The following ZNF91 variants were observed in gnomAD, a reference collection of about 807,000 sequenced individuals.
ZNF91 encodes zinc finger protein 91.
ZNF91 carries 7 observed loss-of-function variants against 12.6 expected under a neutral mutation model. The observed-to-expected ratio is 0.55, with a 90% confidence interval of 0.31 to 1.04. The LOEUF (loss-of-function observed/expected upper bound fraction) is 1.04, where lower values mean the gene tolerates loss of function less well. Ranked by LOEUF, ZNF91 falls within the 50% of genes least tolerant of loss-of-function variation. The probability of loss-of-function intolerance (pLI) is 0.05; values close to 1 mark genes in which losing one functional copy is unlikely to be tolerated. For missense variants in ZNF91, 1,217 were observed against 1,385.4 expected (o/e 0.88, Z 1.93); for synonymous variants, 453 against 462.6 (o/e 0.98, Z 0.27).
downstream of ZNF91, among the ~76,000 whole-genome samples, chr19:23,336,974 T>C (rs1305226489): frequency 2.6e-5 from 4 of 152,214 alleles, no homozygotes; most frequent in Non-Finnish European, 5.9e-5. Flanking sequence ...AAGTTTTAAC[T>C]AGTGGTTGTG....
chr19:23,376,301 C>T (rs1314808741), intron 1 of ZNF91, among the ~76,000 whole-genome samples: 1 of 151,908 alleles, frequency 6.6e-6, no homozygotes, highest in African/African-American at 2.4e-5. Flanking sequence ...TTCTGCATGG[C>T]ATATAAGAAG....
chr19:23,361,791 A>G lies in ZNF91; in HGVS notation c.1188T>C (p.His396=). The G allele has an allele frequency of 6.2e-7, 1 of 1,609,638 alleles. No homozygotes were observed. The highest frequency in any genetic ancestry group is 2.2e-5 in the East Asian group (1 of 44,814). Residue 396 remains histidine, a synonymous_variant, in exon 4 of 4, where the codon CAT becomes CAC. Coordinates refer to ENST00000300619, the MANE Select transcript of ZNF91 (RefSeq NM_003430.4). Reference sequence around the variant, plus strand: ...GTTTCTCTCCAGCATGTATTATTTTATGTTTAGTAAGGGTTGAGAGTCGCT... The same window carrying G: ...GTTTCTCTCCAGCATGTATTATTTTGTGTTTAGTAAGGGTTGAGAGTCGCT... ...AFKRLSTLTK[H]KIIHAGEKLY...
chr19:23,353,759 G>A (rs1968422575), downstream of ZNF91, among the ~76,000 whole-genome samples: 1 of 152,070 alleles, frequency 6.6e-6, no homozygotes, highest in African/African-American at 2.4e-5. Flanking sequence ...AATGAAACAG[G>A]AGATATAATA....
downstream of ZNF91, among the ~76,000 whole-genome samples, chr19:23,333,969 T>G (rs371565709): frequency 6.6e-6 from 1 of 152,092 alleles, no homozygotes; most frequent in Non-Finnish European, 1.5e-5. Flanking sequence ...ACTATAAAGA[T>G]TGATATAATA....
intron 1 of ZNF91, among the ~76,000 whole-genome samples, chr19:23,318,099 T>C (rs948901524): frequency 6.6e-6 from 1 of 152,202 alleles, no homozygotes; most frequent in Non-Finnish European, 1.5e-5. Flanking sequence ...CACTGTGACA[T>C]ATCACTGTCA....
intron 3 of ZNF91, among the ~76,000 whole-genome samples, chr19:23,340,855 GCAAACTA>G (rs988824830): frequency 1.3e-5 from 2 of 150,968 alleles, no homozygotes; most frequent in African/African-American, 2.4e-5. Flanking sequence ...GAAAATATTT[GCAAACTA>G]CGTGCCAACA....
intron 1 of ZNF91, 116 bp downstream of exon 1, chr19:23,395,209 C>T: frequency 7.5e-7 from 1 of 1,334,548 alleles, no homozygotes; most frequent in Non-Finnish European, 1.0e-6. Context: ...CAAGGAGAAC[C>T]CGGGCACGGA....
chr19:23,393,851 T>C (rs1206367782), intron 1 of ZNF91, among the ~76,000 whole-genome samples: 1 of 151,948 alleles, frequency 6.6e-6, no homozygotes, highest in Non-Finnish European at 1.5e-5. Context: ...AATACAAAAA[T>C]TAGCCAGACG....
chr19:23,389,228 T>C (rs1969979395), intron 1 of ZNF91, among the ~76,000 whole-genome samples: 1 of 152,162 alleles, frequency 6.6e-6, no homozygotes, highest in Non-Finnish European at 1.5e-5. Flanking sequence ...CTACAGATAG[T>C]GGCCCAGGTG....
intron 3 of ZNF91, among the ~76,000 whole-genome samples, chr19:23,345,044 C>T (rs565661832): frequency 6.6e-6 from 1 of 152,218 alleles, no homozygotes; most frequent in Non-Finnish European, 1.5e-5. Flanking sequence ...TTGCTCTCTC[C>T]AGTCCAAAAA....
rs571669304 is a variant in ZNF91, at chr19:23,395,470, A to C, written c.-116T>G. ...CTGGAAACTCCGGCGGCAGCGAGAGACAAAGGCCCAGCCACATCCCGGAAG... is the reference window on the plus strand; with the variant it reads ...CTGGAAACTCCGGCGGCAGCGAGAGCCAAAGGCCCAGCCACATCCCGGAAG... On this transcript the variant is annotated 5_prime_UTR_variant, in exon 1 of 4. Coordinates refer to ENST00000300619, the MANE Select transcript of ZNF91 (RefSeq NM_003430.4). 35 of 1,281,364 alleles carry C rather than the reference A, an allele frequency of 2.7e-5. No individual in the cohort carries two copies. The East Asian group carries it at 5.9e-4, about 22-fold the overall frequency. The allele number at this position is 1,281,364 out of a possible 1,614,324, so 79.4% of individuals were successfully genotyped here.
intron 3 of ZNF91, among the ~76,000 whole-genome samples, chr19:23,350,038 C>T (rs537146067): frequency 6.4e-4 from 97 of 152,266 alleles, no homozygotes; most frequent in African/African-American, 2.3e-3. Context: ...TAATCACTAA[C>T]CAAACCGCCT....
rs771122983 is a variant in ZNF91, at chr19:23,366,817, A to G, written c.254-4092T>C. Reference sequence around the variant, plus strand: ...CCAAACACCTCCTACCAGGTCCGACATCTAACATCAAGAATTACATTGCAG... The same window carrying G: ...CCAAACACCTCCTACCAGGTCCGACGTCTAACATCAAGAATTACATTGCAG... On this transcript the variant is annotated intron_variant, in intron 3 of 3. Coordinates refer to ENST00000300619, the MANE Select transcript of ZNF91 (RefSeq NM_003430.4). 1.1e-4 allele frequency among the ~76,000 whole-genome samples: 17 copies of G among 152,252 alleles called. 1 individual carries two copies. Among genetic ancestry groups the G allele is most frequent in the Non-Finnish European group, 2.5e-4 (17 of 68,046 alleles).
downstream of ZNF91, among the ~76,000 whole-genome samples, chr19:23,354,217 A>T (rs1968432041): frequency 6.6e-6 from 1 of 152,170 alleles, no homozygotes; most frequent in Non-Finnish European, 1.5e-5. Context: ...AACAATATCC[A>T]AAAACATGTC....
intron 3 of ZNF91, among the ~76,000 whole-genome samples, chr19:23,343,137 G>A (rs1431752877): frequency 6.6e-6 from 1 of 152,178 alleles, no homozygotes; most frequent in African/African-American, 2.4e-5. Context: ...ATAAACACAA[G>A]CATATACAGT....
Position 23,360,322 on chromosome 19 carries a change from T to C in ZNF91, c.2657A>G (p.Glu886Gly). ...HTKEKPSKSEECDKAFIWSST... is the reference protein window; with the variant it reads ...HTKEKPSKSEGCDKAFIWSST... ...GGACCAGATAAATGCTTTGTCACAT[T>C]CTTCACTCTTGGAAGGTTTCTCTTT... Residue 886 changes from glutamate to glycine, a missense_variant, in exon 4 of 4, where the codon GAA (glutamate) becomes GGA (glycine). By Grantham distance (98) the Glu-to-Gly change is moderately conservative. Coordinates refer to ENST00000300619, the MANE Select transcript of ZNF91 (RefSeq NM_003430.4). 6.2e-7 allele frequency: 1 copy of C among 1,614,026 alleles called. No individual in the cohort carries two copies. The highest frequency in any genetic ancestry group is 8.5e-7 in the Non-Finnish European group (1 of 1,179,968).
Position 23,352,234 on chromosome 19 carries a change from C to T in ZNF91, c.254-13180G>A, listed in dbSNP as rs532492882. 1.1e-4 allele frequency among the ~76,000 whole-genome samples: 17 copies of T among 152,298 alleles called. No individual in the cohort carries two copies. The East Asian group carries it at 3.3e-3, about 30-fold the overall frequency. ...AAAGTGAGACCCGCTCTTTGGTTTG[C>T]ATGGGAGCTGAGTGAGGCTTATGAC... On this transcript the variant is annotated intron_variant, in intron 3 of 3. Transcript: ENST00000599743.
intron 3 of ZNF91, among the ~76,000 whole-genome samples, chr19:23,344,918 A>G (rs1968191704): frequency 6.6e-6 from 1 of 152,210 alleles, no homozygotes; most frequent in Non-Finnish European, 1.5e-5. Flanking sequence ...CAGCTGGACA[A>G]AAGAAGCTCC....
chr19:23,325,853 C>T (rs1048781458), intron 1 of ZNF91: 2 of 152,222 alleles, frequency 1.3e-5, no homozygotes, highest in African/African-American at 4.8e-5. Flanking sequence ...AGTCATCATC[C>T]TCAAAAATGA....
Sources: gnomAD v4.1 joint callset for allele counts (sites outside exome capture counted in the v4.1 genomes callset) on GRCh38, gnomAD v4.1.1 for gene constraint, MANE v1.5 for transcripts, NCBI Gene and HGNC (gene_info 2026-07-23, HGNC 2026-07-21) for gene names.